The following ADCY3 variants were observed in gnomAD, a reference collection of about 807,000 sequenced individuals.
ADCY3 encodes adenylate cyclase type 3.
A neutral mutation model predicts 119.4 loss-of-function variants in ADCY3; 70 were observed. The ratio of observed to expected loss-of-function variants is 0.59; its 90% CI spans 0.48 to 0.72. The LOEUF is 0.72. Ranked by LOEUF, ADCY3 falls within the 30% of genes least tolerant of loss-of-function variation. The pLI is 0.00. For missense variants in ADCY3, 1,238 were observed against 1,541.6 expected, an observed-to-expected ratio of 0.80 and a Z score of 3.30; for synonymous variants, 672 against 621.4, an observed-to-expected ratio of 1.08 and a Z score of -1.21.
intron 2 of ADCY3, among the ~76,000 whole-genome samples, chr2:24,876,188 C>T (rs1572961235): frequency 6.6e-6 from 1 of 152,154 alleles, no homozygotes; most frequent in Admixed American, 6.5e-5. Flanking sequence ...TGGGGTCTTG[C>T]TATATTGCCC....
intron 2 of ADCY3, among the ~76,000 whole-genome samples, chr2:24,874,769 G>A (rs897342277): frequency 6.6e-6 from 1 of 152,190 alleles, no homozygotes; most frequent in African/African-American, 2.4e-5. Flanking sequence ...GCCGGTGAGG[G>A]GCAGGATCAG....
intron 2 of ADCY3, among the ~76,000 whole-genome samples, chr2:24,879,079 G>A (rs1676061493): frequency 6.6e-6 from 1 of 152,148 alleles, no homozygotes; most frequent in Admixed American, 6.5e-5. Context: ...ACATAGACCT[G>A]CACACGGCTG....
At position 24,900,670 on chromosome 2, in the gene ADCY3, C is replaced by T. The variant is rs184441961; in HGVS notation, c.675+17643G>A. ...GGACTTCTTGAAAAAGGGAGATGGG[C>T]GAGGCTGAAGAGGAGATCCAGGGAG... On this transcript the variant is annotated intron_variant, in intron 2 of 21. Coordinates refer to ENST00000679454, the MANE Select transcript of ADCY3 (RefSeq NM_004036.5). Among the ~76,000 whole-genome samples, 216 of 152,154 alleles carry T rather than the reference C, an allele frequency of 1.4e-3. 2 individuals carry two copies. Among genetic ancestry groups the T allele is most frequent in the African/African-American group, 4.5e-3 (188 of 41,504 alleles).
At chr2:24,847,465 A>G (rs1225241819) in intron 3 of ADCY3, among the ~76,000 whole-genome samples, 1 of 152,198 alleles carries the variant, frequency 6.6e-6, no homozygotes, top group African/African-American at 2.4e-5. Flanking sequence ...ATGGCACTAC[A>G]GCTCAGGAAT....
intron 3 of ADCY3, among the ~76,000 whole-genome samples, chr2:24,848,444 G>A (rs1463314378): frequency 6.6e-6 from 1 of 152,080 alleles, no homozygotes; most frequent in African/African-American, 2.4e-5. Context: ...ATCTCTGTTC[G>A]GGGCTCTCAG....
chr2:24,892,486 C>T (rs928780776), intron 2 of ADCY3, among the ~76,000 whole-genome samples: 1 of 152,074 alleles, frequency 6.6e-6, no homozygotes, highest in Non-Finnish European at 1.5e-5. Flanking sequence ...CTCCTGACCT[C>T]GTGATCCACC....
intron 2 of ADCY3, among the ~76,000 whole-genome samples, chr2:24,907,243 A>G (rs1467633362): frequency 6.6e-6 from 1 of 152,000 alleles, no homozygotes; most frequent in Admixed American, 6.6e-5. Flanking sequence ...CTGGATAGGC[A>G]GCTGTCGCAG....
intron 19 of ADCY3, 91 bp from the exon 20 acceptor site, chr2:24,821,731 T>C (rs768154055): frequency 3.9e-6 from 6 of 1,538,682 alleles, no homozygotes; most frequent in Non-Finnish European, 5.3e-6. Flanking sequence ...TGGGGGTGGA[T>C]TCCCTACACC....
chr2:24,870,415 A>C (rs2148801985), intron 3 of ADCY3, among the ~76,000 whole-genome samples: 1 of 152,240 alleles, frequency 6.6e-6, no homozygotes. Context: ...AACGAGCCCA[A>C]GGCCACACTC....
At chr2:24,886,877 G>A (rs1677086788) in intron 2 of ADCY3, among the ~76,000 whole-genome samples, 1 of 152,212 alleles carries the variant, frequency 6.6e-6, no homozygotes, top group African/African-American at 2.4e-5. Flanking sequence ...CCGGTCCCTG[G>A]GGCTCTGCTA....
intron 2 of ADCY3, among the ~76,000 whole-genome samples, chr2:24,896,057 A>C (rs552080623): frequency 3.5e-4 from 54 of 152,140 alleles, no homozygotes; most frequent in Non-Finnish European, 6.5e-4. Context: ...TGATGTGTTC[A>C]TTTACATGCT....
chr2:24,912,721 T>G (rs1663935448), intron 2 of ADCY3, among the ~76,000 whole-genome samples: 1 of 152,188 alleles, frequency 6.6e-6, no homozygotes, highest in Non-Finnish European at 1.5e-5. Flanking sequence ...TATAAAGCGC[T>G]GATTTAAAAT....
At chr2:24,890,911 C>T (rs1677576469) in intron 2 of ADCY3, among the ~76,000 whole-genome samples, 1 of 151,814 alleles carries the variant, frequency 6.6e-6, no homozygotes, top group African/African-American at 2.4e-5. Context: ...CTGCTCTGTC[C>T]TCCAGGCTGG....
At chr2:24,853,137 C>A (rs1672583273) in intron 3 of ADCY3, among the ~76,000 whole-genome samples, 1 of 151,612 alleles carries the variant, frequency 6.6e-6, no homozygotes, top group South Asian at 2.1e-4. Flanking sequence ...CCATATCAAA[C>A]TAGGAGGCAA....
chr2:24,821,358 G>A lies in ADCY3; in HGVS notation c.3127+159C>T, dbSNP rs1667679814. ...TTGGTTTAGTCATCTAGAGTCGTCTGGACTAAAGGTCTTTCAGGTCTCCTT... is the reference window on the plus strand; with the variant it reads ...TTGGTTTAGTCATCTAGAGTCGTCTAGACTAAAGGTCTTTCAGGTCTCCTT... On this transcript the variant is annotated intron_variant, in intron 20 of 21. Coordinates refer to ENST00000679454, the MANE Select transcript of ADCY3 (RefSeq NM_004036.5). The A allele has an allele frequency of 3.7e-6, 4 of 1,073,202 alleles. No homozygotes were observed. In the South Asian group the frequency reaches 6.2e-5, roughly 17 times the overall value. 66.5% of individuals were successfully genotyped at this position (1,073,202 alleles called of 1,614,324 possible). A position where few individuals can be genotyped will look rare whatever the true frequency, so the allele number is the denominator to read the frequency against.
At chr2:24,905,031 G>A (rs574827851) in intron 2 of ADCY3, among the ~76,000 whole-genome samples, 3 of 152,030 alleles carry the variant, frequency 2.0e-5, no homozygotes, top group African/African-American at 7.2e-5. Flanking sequence ...CCAAAGCCCT[G>A]TCCAGCAAGC....
intron 2 of ADCY3, among the ~76,000 whole-genome samples, chr2:24,892,795 G>T (rs72848433): frequency 1.3e-5 from 2 of 151,922 alleles, no homozygotes; most frequent in Non-Finnish European, 2.9e-5. Flanking sequence ...AGTATATATT[G>T]TCTGGTACTT....
At chr2:24,917,916 C>T (rs1431410072) in intron 2 of ADCY3, among the ~76,000 whole-genome samples, 1 of 152,242 alleles carries the variant, frequency 6.6e-6, no homozygotes, top group Non-Finnish European at 1.5e-5. Flanking sequence ...TGAGTCCACA[C>T]AGCTAGTCAG....
chr2:24,911,782 C>A (rs936307169), intron 2 of ADCY3, among the ~76,000 whole-genome samples: 2 of 150,688 alleles, frequency 1.3e-5, no homozygotes, highest in Non-Finnish European at 2.9e-5. Context: ...CTCCTGGCCT[C>A]AAGTGATATT....
Sources: gnomAD v4.1 joint callset for allele counts (sites outside exome capture counted in the v4.1 genomes callset) on GRCh38, gnomAD v4.1.1 for gene constraint, MANE v1.5 for transcripts, NCBI Gene and HGNC (gene_info 2026-07-23, HGNC 2026-07-21) for gene names.